ZBTB16: variants seen among roughly 807,000 people sequenced by gnomAD.
The protein encoded by ZBTB16 is zinc finger and BTB domain-containing protein 16.
In ZBTB16, 8 loss-of-function variants were observed where a neutral mutation model predicts 56.8. The observed-to-expected ratio is 0.14, with a 90% CI of 0.08 to 0.25. The LOEUF is 0.25. ZBTB16 is among the 10% of genes least tolerant of loss of function. The pLI is 1.00. For missense variants in ZBTB16, 625 were observed against 903.0 expected (o/e 0.69, Z 3.95); for synonymous variants, 363 against 368.5 (o/e 0.98, Z 0.17).
At chr11:114,230,856 C>CT (rs750952268) in intron 4 of ZBTB16, among the ~76,000 whole-genome samples, 15 of 152,286 alleles carry the variant, frequency 9.8e-5, no homozygotes, top group Non-Finnish European at 2.1e-4. Context: ...TTCTGTCTCC[C>CT]TGGGCCTTTG....
At position 114,063,160 on chromosome 11, in the gene ZBTB16, T is replaced by C. The variant is rs1031308610; in HGVS notation, c.-90-51T>C. 9.8e-6 allele frequency: 9 copies of C among 918,368 alleles called. No individual in the cohort carries two copies. Among genetic ancestry groups the C allele is most frequent in the Non-Finnish European group, 1.3e-5 (8 of 597,926 alleles). 56.9% of individuals were successfully genotyped at this position (918,368 alleles called of 1,614,324 possible). A position where few individuals can be genotyped will look rare whatever the true frequency, so the allele number is the denominator to read the frequency against. ...TTACTTTTAGGGACACTGATGAATT[T>C]GTCTTTTGTTCTCTCATCTCTTTTG... On this transcript the variant is annotated intron_variant, in intron 1 of 6. Transcript: ENST00000335953. This position sits in a 1 kb window ranked among gnomAD's most constrained non-coding sequence, Gnocchi z 6.5.
chr11:114,225,784 C>T (rs1446251851), intron 4 of ZBTB16, among the ~76,000 whole-genome samples: 4 of 152,298 alleles, frequency 2.6e-5, no homozygotes, highest in Middle Eastern at 3.4e-3. Context: ...ATCTGTACCC[C>T]ACACCCTTCT....
intron 3 of ZBTB16, among the ~76,000 whole-genome samples, chr11:114,168,369 G>T (rs1265423478): frequency 2.0e-5 from 3 of 152,296 alleles, no homozygotes; most frequent in African/African-American, 7.2e-5. Context: ...CACATAGCAG[G>T]CTCTCAGGAA....
At chr11:114,206,250 T>C (rs145819200) in intron 4 of ZBTB16, among the ~76,000 whole-genome samples, 137 of 152,350 alleles carry the variant, frequency 9.0e-4, no homozygotes, top group Non-Finnish European at 1.7e-3. Context: ...CTAAAATCTG[T>C]AGACTCCTAG....
chr11:114,097,938 C>T (rs2137745541), intron 2 of ZBTB16, among the ~76,000 whole-genome samples: 1 of 152,266 alleles, frequency 6.6e-6, no homozygotes, highest in African/African-American at 2.4e-5. Context: ...TGCAAAATGT[C>T]TGAAAATTAT....
At chr11:114,246,151 C>A (rs913252413) in intron 5 of ZBTB16, among the ~76,000 whole-genome samples, 3 of 152,184 alleles carry the variant, frequency 2.0e-5, no homozygotes, top group African/African-American at 7.2e-5. Flanking sequence ...CCACCATTTC[C>A]TGGGTCTGTT....
Position 114,060,957 on chromosome 11 carries a change from G to A in ZBTB16, c.-91+1075G>A, listed in dbSNP as rs1251735419. 6.6e-6 allele frequency among the ~76,000 whole-genome samples: 1 copy of A among 152,136 alleles called. No individual in the cohort carries two copies. The highest frequency in any genetic ancestry group is 1.5e-5 in the Non-Finnish European group (1 of 68,008). On this transcript the variant is annotated intron_variant, in intron 1 of 6. Transcript: ENST00000335953. This position sits in a 1 kb window ranked among gnomAD's most constrained non-coding sequence, Gnocchi z 6.0. ...TGTGCTTCCCCTTCGCCGCGGGGCG[G>A]GTCCGCCTCCCCTGCCGCTCTCGCC... is the stretch of plus-strand genomic sequence containing the variant.
intron 2 of ZBTB16, among the ~76,000 whole-genome samples, chr11:114,142,422 C>T (rs1408199554): frequency 6.6e-6 from 1 of 152,214 alleles, no homozygotes; most frequent in Non-Finnish European, 1.5e-5. Context: ...TCTAACTGCT[C>T]AATAACACAG....
At chr11:114,163,888 A>G (rs1942667708) in intron 3 of ZBTB16, among the ~76,000 whole-genome samples, 1 of 152,018 alleles carries the variant, frequency 6.6e-6, no homozygotes, top group Non-Finnish European at 1.5e-5. Context: ...GTTTTTTAAT[A>G]CTGCTAATGT....
intron 4 of ZBTB16, among the ~76,000 whole-genome samples, chr11:114,213,296 A>G (rs1591787966): frequency 6.6e-6 from 1 of 152,022 alleles, no homozygotes. Context: ...TATTTGTAGG[A>G]CTCGCATAAA....
At chr11:114,208,632 C>T (rs1378515267) in intron 4 of ZBTB16, among the ~76,000 whole-genome samples, 2 of 152,216 alleles carry the variant, frequency 1.3e-5, no homozygotes, top group Non-Finnish European at 2.9e-5. Context: ...AGTCTGTGCC[C>T]TCTGCACAGC....
At chr11:114,200,527 TGATGAG>T in intron 4 of ZBTB16, among the ~76,000 whole-genome samples, 1 of 152,284 alleles carries the variant, frequency 6.6e-6, no homozygotes, top group Middle Eastern at 3.4e-3. Context: ...TCTGCATCAC[TGATGAG>T]GAATCACAGG....
chr11:114,227,284 C>T (rs1407754039), intron 4 of ZBTB16, among the ~76,000 whole-genome samples: 1 of 152,196 alleles, frequency 6.6e-6, no homozygotes, highest in African/African-American at 2.4e-5. Flanking sequence ...TGCACACCCC[C>T]ACCATCCACC....
intron 2 of ZBTB16, among the ~76,000 whole-genome samples, chr11:114,128,864 G>A (rs1941586587): frequency 6.6e-6 from 1 of 152,218 alleles, no homozygotes; most frequent in South Asian, 2.1e-4. Flanking sequence ...CAGCCCAGAG[G>A]CGGCTACTGC....
chr11:114,205,378 C>T (rs1445350811), intron 4 of ZBTB16, among the ~76,000 whole-genome samples: 2 of 151,514 alleles, frequency 1.3e-5, no homozygotes, highest in Non-Finnish European at 2.9e-5. Flanking sequence ...CCACTGCACT[C>T]CAGCCTGGGT....
chr11:114,090,417 C>T (rs999333158), intron 2 of ZBTB16, among the ~76,000 whole-genome samples: 2 of 152,196 alleles, frequency 1.3e-5, no homozygotes, highest in Admixed American at 6.5e-5. Context: ...CTTGTCTGGC[C>T]AACTCCGGGA....
chr11:114,247,474 A>G, intron 6 of ZBTB16, 109 bp downstream of exon 6: 2 of 1,460,950 alleles, frequency 1.4e-6, no homozygotes, highest in African/African-American at 1.4e-5. Context: ...GGCTGAATCA[A>G]AGAGTAGAAG....
intron 5 of ZBTB16, among the ~76,000 whole-genome samples, chr11:114,243,026 T>C (rs1944744738): frequency 6.6e-6 from 1 of 152,206 alleles, no homozygotes; most frequent in African/African-American, 2.4e-5. Flanking sequence ...CACCAGCCTC[T>C]AGGGCTTGAG....
chr11:114,070,418 T>A (rs773066462), intron 2 of ZBTB16, among the ~76,000 whole-genome samples: 1 of 152,206 alleles, frequency 6.6e-6, no homozygotes, highest in Non-Finnish European at 1.5e-5. Context: ...CAGAGTACCT[T>A]TCTAAAGTCT....
Sources: gnomAD v4.1 joint callset for allele counts (sites outside exome capture counted in the v4.1 genomes callset) on GRCh38, gnomAD v4.1.1 for gene constraint, Gnocchi (gnomAD v3.1) non-coding constraint, MANE v1.5 for transcripts, NCBI Gene and HGNC (gene_info 2026-07-23, HGNC 2026-07-21) for gene names.